The following ZRANB3 variants were observed in gnomAD, a reference collection of about 807,000 sequenced individuals.
The protein encoded by ZRANB3 is DNA annealing helicase and endonuclease ZRANB3.
In ZRANB3, 125 loss-of-function variants were observed where a neutral mutation model predicts 133.8. The ratio of observed to expected loss-of-function variants is 0.93; its 90% CI spans 0.81 to 1.08. The LOEUF is 1.08. ZRANB3 is among the 50% of genes least tolerant of loss of function. The pLI, the probability that ZRANB3 is intolerant of heterozygous loss-of-function variation, is 0.00. For synonymous variants in ZRANB3, 387 were observed against 432.7 expected (o/e 0.89, Z 1.31); for missense variants, 1,229 against 1,275.5 (o/e 0.96, Z 0.56).
intron 2 of ZRANB3, among the ~76,000 whole-genome samples, chr2:135,457,529 T>C (rs1690582715): frequency 6.6e-6 from 1 of 152,174 alleles, no homozygotes; most frequent in African/African-American, 2.4e-5. Context: ...TTCAGCATCT[T>C]TTCATGAGCT....
chr2:135,235,734 A>G (rs562875071), intron 12 of ZRANB3, among the ~76,000 whole-genome samples: 6 of 150,914 alleles, frequency 4.0e-5, no homozygotes, highest in Admixed American at 4.0e-4. Flanking sequence ...ACAAAATTCA[A>G]CAACCCTTCA....
intron 2 of ZRANB3, among the ~76,000 whole-genome samples, chr2:135,395,826 A>T (rs1453011838): frequency 6.6e-6 from 1 of 152,324 alleles, no homozygotes; most frequent in Admixed American, 6.5e-5. Context: ...ATGGGATCAC[A>T]TCAAGTTAAA....
At chr2:135,258,859 A>G (rs1679793785) in intron 12 of ZRANB3, among the ~76,000 whole-genome samples, 1 of 152,224 alleles carries the variant, frequency 6.6e-6, no homozygotes, top group Non-Finnish European at 1.5e-5. Context: ...CCTGTGGTCA[A>G]CTTTCTTTTT....
intron 2 of ZRANB3, among the ~76,000 whole-genome samples, chr2:135,467,009 A>G (rs1691029648): frequency 6.6e-6 from 1 of 152,144 alleles, no homozygotes; most frequent in Non-Finnish European, 1.5e-5. Context: ...CTTAGAAAAA[A>G]GGTTAGATTC....
intron 3 of ZRANB3, among the ~76,000 whole-genome samples, chr2:135,372,601 C>T (rs1686233081): frequency 6.6e-6 from 1 of 151,982 alleles, no homozygotes; most frequent in Non-Finnish European, 1.5e-5. Flanking sequence ...TCCTGGCTAA[C>T]ATGGTGAAAC....
chr2:135,384,853 A>T (rs1686890021), intron 3 of ZRANB3, among the ~76,000 whole-genome samples: 1 of 151,924 alleles, frequency 6.6e-6, no homozygotes, highest in Non-Finnish European at 1.5e-5. Context: ...TCAAAATAAT[A>T]AGAGCTATTT....
At chr2:135,268,402 G>A (rs1283922003) in intron 11 of ZRANB3, among the ~76,000 whole-genome samples, 1 of 152,054 alleles carries the variant, frequency 6.6e-6, no homozygotes, top group Non-Finnish European at 1.5e-5. Flanking sequence ...CCTGACCTCA[G>A]GTGATCCACC....
At chr2:135,447,962 T>TCCAA (rs1371131231) in intron 2 of ZRANB3, among the ~76,000 whole-genome samples, 2 of 152,192 alleles carry the variant, frequency 1.3e-5, no homozygotes, top group Non-Finnish European at 2.9e-5. Flanking sequence ...GCCCATTTAG[T>TCCAA]TAGAGTAATT....
At chr2:135,316,038 A>T (rs1683236650) in intron 6 of ZRANB3, among the ~76,000 whole-genome samples, 1 of 152,186 alleles carries the variant, frequency 6.6e-6, no homozygotes, top group African/African-American at 2.4e-5. Context: ...CTTCCTTTGA[A>T]ATACTTCTTC....
At chr2:135,316,719 G>A (rs190935523) in intron 6 of ZRANB3, among the ~76,000 whole-genome samples, 1 of 152,056 alleles carries the variant, frequency 6.6e-6, no homozygotes, top group Non-Finnish European at 1.5e-5. Flanking sequence ...CGTAATCCCA[G>A]CACTTTGGGA....
At chr2:135,272,108 A>G (rs952717701) in intron 9 of ZRANB3, among the ~76,000 whole-genome samples, 5 of 152,236 alleles carry the variant, frequency 3.3e-5, no homozygotes, top group Admixed American at 1.3e-4. Flanking sequence ...TTGAGGGTAG[A>G]GTCTATGTCT....
At chr2:135,287,910 A>G (rs948434537) in intron 8 of ZRANB3, among the ~76,000 whole-genome samples, 2 of 152,030 alleles carry the variant, frequency 1.3e-5, no homozygotes, top group Non-Finnish European at 1.5e-5. Context: ...CTTTGCTGAC[A>G]TGGATGCCCT....
intron 6 of ZRANB3, among the ~76,000 whole-genome samples, chr2:135,338,074 C>G (rs1365008039): frequency 2.0e-5 from 3 of 152,080 alleles, no homozygotes; most frequent in Admixed American, 6.6e-5. Context: ...ATTTTCAGAG[C>G]AATTTTAAGT....
intron 8 of ZRANB3, among the ~76,000 whole-genome samples, chr2:135,307,282 T>A (rs1207863022): frequency 1.3e-5 from 2 of 152,264 alleles, no homozygotes; most frequent in African/African-American, 4.8e-5. Flanking sequence ...CTCAGGCTGG[T>A]CTTGAATTCC....
At chr2:135,407,651 A>C (rs544159135) in intron 2 of ZRANB3, among the ~76,000 whole-genome samples, 41 of 151,784 alleles carry the variant, frequency 2.7e-4, no homozygotes, top group African/African-American at 9.5e-4. Context: ...CAGAACAGAG[A>C]CCTCAGAAAT....
chr2:135,200,753 G>GT (rs373759295), intron 20 of ZRANB3, among the ~76,000 whole-genome samples: 3,435 of 126,382 alleles, frequency 0.027, 138 homozygotes, highest in African/African-American at 0.085. Context: ...CAAGTGGGAG[G>GT]TTTTTTTTTT....
At chr2:135,485,570 T>C (rs547038217) in intron 2 of ZRANB3, among the ~76,000 whole-genome samples, 2 of 152,294 alleles carry the variant, frequency 1.3e-5, no homozygotes, top group Non-Finnish European at 2.9e-5. Context: ...TGCAGGGTGC[T>C]GTCATAAACA....
intron 2 of ZRANB3, among the ~76,000 whole-genome samples, chr2:135,490,387 A>G (rs1345753460): frequency 6.6e-6 from 1 of 152,214 alleles, no homozygotes; most frequent in African/African-American, 2.4e-5. Context: ...TAAACTGCCA[A>G]CAGGTATATT....
chr2:135,204,333 GA>G (rs1017248630), intron 19 of ZRANB3, among the ~76,000 whole-genome samples: 2 of 150,706 alleles, frequency 1.3e-5, no homozygotes, highest in Admixed American at 6.6e-5. Context: ...TAGTCTTAGG[GA>G]AAAAAAAATC....
Sources: gnomAD v4.1 joint callset for allele counts (sites outside exome capture counted in the v4.1 genomes callset) on GRCh38, gnomAD v4.1.1 for gene constraint, MANE v1.5 for transcripts, NCBI Gene and HGNC (gene_info 2026-07-23, HGNC 2026-07-21) for gene names.